Variants in PRDM5 observed in about 807,000 individuals in gnomAD.
PRDM5 encodes the protein PR/SET domain 5.
PRDM5 carries 56 observed loss-of-function variants against 81.2 expected under a neutral mutation model. The ratio of observed to expected loss-of-function variants is 0.69; its 90% CI spans 0.56 to 0.86. The LOEUF (loss-of-function observed/expected upper bound fraction) is 0.86, where lower values mean the gene tolerates loss of function less well. Among genes scored for constraint, PRDM5 ranks in the 40% least tolerant of loss-of-function variants. The probability of loss-of-function intolerance (pLI) is 0.00; values close to 1 mark genes in which losing one functional copy is unlikely to be tolerated. For missense variants in PRDM5, 697 were observed against 770.1 expected, an observed-to-expected ratio of 0.91 and a Z score of 1.12; for synonymous variants, 267 against 256.4, an observed-to-expected ratio of 1.04 and a Z score of -0.39.
chr4:120,906,888 G>A (rs73843658), intron 2 of PRDM5, among the ~76,000 whole-genome samples: 12,720 of 151,596 alleles, frequency 0.084, 555 homozygotes, highest in East Asian at 0.15. Context: ...TAAATTCAGG[G>A]CATGCTTATT....
At chr4:120,754,506 AG>A (rs1448218298) in intron 14 of PRDM5, 46 bp downstream of exon 14, 3 of 1,310,474 alleles carry the variant, frequency 2.3e-6, no homozygotes, top group East Asian at 2.3e-5. Context: ...TTTTAAAATA[AG>A]TATGGTTTTC....
chr4:120,779,642 C>T (rs1265994488), intron 12 of PRDM5, among the ~76,000 whole-genome samples: 1 of 152,104 alleles, frequency 6.6e-6, no homozygotes, highest in Non-Finnish European at 1.5e-5. Flanking sequence ...TGACTTATGC[C>T]TACAATCCCA....
intron 8 of PRDM5, among the ~76,000 whole-genome samples, chr4:120,801,572 G>A (rs1466797757): frequency 6.6e-6 from 1 of 152,234 alleles, no homozygotes; most frequent in Non-Finnish European, 1.5e-5. Context: ...TTCCACAAGA[G>A]TCTGACTTAT....
Position 120,695,012 on chromosome 4 carries a change from A to G in PRDM5, c.*99T>C. ...GCAAATAAGAACTATGAGACCAGTAAGTCACTTTTGGCTACTTCTGTTATG... is the reference window on the plus strand; with the variant it reads ...GCAAATAAGAACTATGAGACCAGTAGGTCACTTTTGGCTACTTCTGTTATG... On this transcript the variant is annotated 3_prime_UTR_variant, in exon 16 of 16. Transcript: ENST00000264808. The G allele has an allele frequency of 7.3e-7, 1 of 1,361,208 alleles. No homozygotes were observed. The highest frequency in any genetic ancestry group is 1.0e-6 in the Non-Finnish European group (1 of 955,638). 84.3% of individuals were successfully genotyped at this position (1,361,208 alleles called of 1,614,324 possible).
chr4:120,762,493 G>A (rs1054229626), intron 13 of PRDM5: 3 of 152,002 alleles, frequency 2.0e-5, no homozygotes, highest in African/African-American at 7.2e-5. Context: ...TTTTGCTTTT[G>A]TAGACTAGGA....
At chr4:120,903,269 G>C (rs1259950725) in intron 2 of PRDM5, among the ~76,000 whole-genome samples, 1 of 152,144 alleles carries the variant, frequency 6.6e-6, no homozygotes, top group Non-Finnish European at 1.5e-5. Context: ...ACCAGAGGAG[G>C]GAAGGCTCAT....
intron 2 of PRDM5, among the ~76,000 whole-genome samples, chr4:120,873,556 A>G (rs1762054536): frequency 6.6e-6 from 1 of 152,238 alleles, no homozygotes; most frequent in Non-Finnish European, 1.5e-5. Context: ...AAAATTTACA[A>G]TAGTCATTGT....
chr4:120,888,156 C>A (rs1561617344), intron 2 of PRDM5, among the ~76,000 whole-genome samples: 2 of 152,154 alleles, frequency 1.3e-5, no homozygotes, highest in South Asian at 4.1e-4. Flanking sequence ...AAGTGTCACA[C>A]AATTACTGAA....
chr4:120,914,836 AATAAT>A (rs1159032495), intron 1 of PRDM5, among the ~76,000 whole-genome samples: 1 of 152,194 alleles, frequency 6.6e-6, no homozygotes, highest in African/African-American at 2.4e-5. Flanking sequence ...AAAATAACAA[AATAAT>A]GTCTCTGGCA....
chr4:120,822,814 C>A (rs1351933888), intron 3 of PRDM5, among the ~76,000 whole-genome samples: 2 of 152,164 alleles, frequency 1.3e-5, no homozygotes. Flanking sequence ...GTTCAAAGCA[C>A]TGAAGCAAAT....
chr4:120,702,189 C>T (rs756524490), intron 15 of PRDM5, among the ~76,000 whole-genome samples: 1 of 152,228 alleles, frequency 6.6e-6, no homozygotes, highest in Non-Finnish European at 1.5e-5. Flanking sequence ...CCAGTCCATG[C>T]TTCACATAAC....
At chr4:120,809,216 G>C (rs1753473390) in intron 8 of PRDM5, among the ~76,000 whole-genome samples, 1 of 150,382 alleles carries the variant, frequency 6.6e-6, no homozygotes, top group African/African-American at 2.4e-5. Context: ...ACACAGGGTG[G>C]GGAACATCAC....
chr4:120,685,450 A>T (rs557758418), intron 1 of PRDM5, among the ~76,000 whole-genome samples: 1 of 152,138 alleles, frequency 6.6e-6, no homozygotes, highest in Non-Finnish European at 1.5e-5. Context: ...ACTTTCAAAA[A>T]TATTCCCAAA....
chr4:120,700,826 G>C (rs1735229790), intron 15 of PRDM5, among the ~76,000 whole-genome samples: 1 of 152,126 alleles, frequency 6.6e-6, no homozygotes, highest in Non-Finnish European at 1.5e-5. Context: ...AGTCAGAATG[G>C]CTATTGTTAA....
chr4:120,863,191 T>TATATACAC (rs1553997193), intron 2 of PRDM5, among the ~76,000 whole-genome samples: 105 of 70,298 alleles, frequency 1.5e-3, no homozygotes, highest in Middle Eastern at 9.4e-3. Flanking sequence ...TATATATATA[T>TATATACAC]ACACACACAC....
intron 14 of PRDM5, among the ~76,000 whole-genome samples, chr4:120,737,244 C>T (rs920529817): frequency 5.9e-5 from 9 of 152,234 alleles, no homozygotes; most frequent in Middle Eastern, 3.4e-3. Flanking sequence ...CAGGGAAGGC[C>T]GGGCCCAGTG....
intron 15 of PRDM5, among the ~76,000 whole-genome samples, chr4:120,703,165 C>T (rs1253368415): frequency 6.6e-6 from 1 of 151,824 alleles, no homozygotes; most frequent in Non-Finnish European, 1.5e-5. Flanking sequence ...CATGTTAATT[C>T]ATGTATTTTG....
intron 2 of PRDM5, among the ~76,000 whole-genome samples, chr4:120,894,601 A>G (rs1221970732): frequency 6.6e-6 from 1 of 152,226 alleles, no homozygotes; most frequent in East Asian, 1.9e-4. Context: ...TGTTCTGAGG[A>G]AAACAGTATC....
chr4:120,845,421 C>T (rs1561469091), intron 3 of PRDM5, among the ~76,000 whole-genome samples: 2 of 152,270 alleles, frequency 1.3e-5, no homozygotes, highest in South Asian at 4.1e-4. Context: ...TTCAGAAAAT[C>T]CTAGGGCCCT....
Sources: gnomAD v4.1 joint callset for allele counts (sites outside exome capture counted in the v4.1 genomes callset) on GRCh38, gnomAD v4.1.1 for gene constraint, MANE v1.5 for transcripts, NCBI Gene and HGNC (gene_info 2026-07-23, HGNC 2026-07-21) for gene names.